The following FMN1 variants were observed in gnomAD, a reference collection of about 807,000 sequenced individuals.
FMN1 encodes the protein formin-1.
Under a neutral mutation model 132.4 loss-of-function variants are expected in FMN1, and 110 were observed. The observed-to-expected ratio is 0.83, with a 90% CI of 0.71 to 0.97. The LOEUF is 0.97. Ranked by LOEUF, FMN1 falls within the 50% of genes least tolerant of loss-of-function variation. The pLI is 0.00. For missense variants in FMN1, 1,792 were observed against 1,705.3 expected (o/e 1.05, Z -0.90); for synonymous variants, 722 against 651.7 (o/e 1.11, Z -1.64).
At chr15:33,101,691 G>A (rs1025029108) in intron 4 of FMN1, among the ~76,000 whole-genome samples, 1 of 152,092 alleles carries the variant, frequency 6.6e-6, no homozygotes, top group Non-Finnish European at 1.5e-5. Context: ...CTAACAACAA[G>A]AGACTTTATG....
intron 16 of FMN1, among the ~76,000 whole-genome samples, chr15:32,859,970 C>A (rs567588574): frequency 6.6e-6 from 1 of 151,686 alleles, no homozygotes; most frequent in Non-Finnish European, 1.5e-5. Context: ...CCCAGGAGTT[C>A]GAGGCTGCAG....
chr15:33,139,286 C>G (rs186397367), intron 4 of FMN1, among the ~76,000 whole-genome samples: 3 of 152,214 alleles, frequency 2.0e-5, no homozygotes, highest in African/African-American at 7.2e-5. Context: ...TTCAAGGGTT[C>G]CAAAATAAAT....
At chr15:33,031,431 A>C (rs345873) in intron 6 of FMN1, among the ~76,000 whole-genome samples, 1 of 151,924 alleles carries the variant, frequency 6.6e-6, no homozygotes, top group African/African-American at 2.4e-5. Flanking sequence ...AGCTGCCCCA[A>C]TTAGTGGTTT....
At position 33,153,526 on chromosome 15, in the gene FMN1, G is replaced by T. The variant is rs1566955386; in HGVS notation, c.1389C>A (p.Pro463=). ...GAAACAAGGACTTGTGGCCACCAAG[G>T]GGCAACCCGGCTCTCCTCTTGTTTC... ...ETRNKRRAGL[P]LGGHKSLFLD... Residue 463 remains proline, a synonymous_variant, in exon 4 of 21, where the codon CCC becomes CCA. Transcript: ENST00000616417. 1.3e-6 allele frequency: 2 copies of T among 1,536,352 alleles called. No individual in the cohort carries two copies. Among genetic ancestry groups the T allele is most frequent in the South Asian group, 2.4e-5 (2 of 84,066 alleles).
chr15:33,062,317 T>A (rs1206836252), intron 6 of FMN1, among the ~76,000 whole-genome samples: 1 of 152,142 alleles, frequency 6.6e-6, no homozygotes, highest in African/African-American at 2.4e-5. Flanking sequence ...GTAAAACTCA[T>A]TTAAAGAGTT....
intron 3 of FMN1, among the ~76,000 whole-genome samples, chr15:33,167,115 G>T (rs527833280): frequency 2.1e-4 from 32 of 152,316 alleles, no homozygotes; most frequent in African/African-American, 7.2e-4. Context: ...GATGACATTA[G>T]CCAATGATAT....
In FMN1 at chr15:32,848,999, T is replaced by TTTC. The variant is rs1304625395; in HGVS notation, c.3928+8015_3928+8016insGAA. Among the ~76,000 whole-genome samples, 1,253 of 144,950 alleles carry TTTC rather than the reference T, an allele frequency of 8.6e-3. 25 individuals are homozygous for TTTC. Among genetic ancestry groups the TTTC allele is most frequent in the African/African-American group, 0.032 (1,197 of 37,784 alleles). Reference sequence around the variant, plus strand: ...TTTGTTTTTTTTTTTTTTTTTTTTTTCAGAGACAGAGTCTCACTCTGTCAC... The same window carrying TTTC: ...TTTGTTTTTTTTTTTTTTTTTTTTTTTTCCAGAGACAGAGTCTCACTCTGTCAC... On this transcript the variant is annotated intron_variant, in intron 17 of 20. Coordinates refer to ENST00000616417, the MANE Select transcript of FMN1 (RefSeq NM_001277313.2).
At chr15:32,841,108 C>CT (rs143912748) in intron 17 of FMN1, among the ~76,000 whole-genome samples, 106 of 152,324 alleles carry the variant, frequency 7.0e-4, no homozygotes, top group African/African-American at 2.5e-3. Flanking sequence ...TTCTCCCCCA[C>CT]TTTTTCTGAC....
At chr15:33,038,157 G>A (rs1226582560) in intron 6 of FMN1, among the ~76,000 whole-genome samples, 1 of 152,242 alleles carries the variant, frequency 6.6e-6, no homozygotes, top group African/African-American at 2.4e-5. Flanking sequence ...CTATCCAGGA[G>A]GAAGAGGTAG....
intron 15 of FMN1, among the ~76,000 whole-genome samples, chr15:32,892,845 T>C (rs2141530432): frequency 6.6e-6 from 1 of 152,298 alleles, no homozygotes; most frequent in South Asian, 2.1e-4. Flanking sequence ...AGTTTATGTA[T>C]CACCATTAAT....
At chr15:33,130,215 C>A (rs1033698766) in intron 4 of FMN1, among the ~76,000 whole-genome samples, 1 of 152,142 alleles carries the variant, frequency 6.6e-6, no homozygotes, top group African/African-American at 2.4e-5. Context: ...CTAGCATTTT[C>A]TTTCTATTTT....
chr15:32,949,396 C>T (rs1003787172), intron 9 of FMN1, among the ~76,000 whole-genome samples: 6 of 151,928 alleles, frequency 3.9e-5, no homozygotes, highest in East Asian at 1.9e-4. Flanking sequence ...ACCAATAAGA[C>T]GGCACACCTA....
intron 6 of FMN1, among the ~76,000 whole-genome samples, chr15:33,028,480 A>G (rs2035783491): frequency 6.6e-6 from 1 of 152,006 alleles, no homozygotes; most frequent in South Asian, 2.1e-4. Context: ...ATAATGCTCA[A>G]ATGCTGGAAA....
intron 19 of FMN1, among the ~76,000 whole-genome samples, chr15:32,779,893 TTCAAAAATC>T (rs1280092840): frequency 6.6e-6 from 1 of 152,128 alleles, no homozygotes; most frequent in African/African-American, 2.4e-5. Context: ...GATCTACAAA[TTCAAAAATC>T]ACAGGAATCA....
intron 5 of FMN1, chr15:33,067,382 G>C: frequency 6.2e-7 from 1 of 1,613,980 alleles, no homozygotes; most frequent in Non-Finnish European, 8.5e-7. Flanking sequence ...ACCACTAGGG[G>C]ACTTTGGGCC....
chr15:33,015,430 T>C (rs2034984375), intron 6 of FMN1, among the ~76,000 whole-genome samples: 1 of 152,214 alleles, frequency 6.6e-6, no homozygotes, highest in Admixed American at 6.5e-5. Context: ...TAAGGGAATT[T>C]CAGGGCCTGT....
chr15:33,149,292 GT>G (rs780593045), intron 4 of FMN1, among the ~76,000 whole-genome samples: 32 of 152,038 alleles, frequency 2.1e-4, no homozygotes, highest in Non-Finnish European at 2.4e-4. Context: ...GGTGATAGTT[GT>G]TTTACAAAAC....
At chr15:33,020,811 G>A (rs2035379524) in intron 6 of FMN1, among the ~76,000 whole-genome samples, 1 of 152,088 alleles carries the variant, frequency 6.6e-6, no homozygotes, top group African/African-American at 2.4e-5. Flanking sequence ...AAGAACTTTT[G>A]GCATTTATAT....
intron 4 of FMN1, among the ~76,000 whole-genome samples, chr15:33,097,238 A>G (rs899771694): frequency 6.6e-6 from 1 of 151,592 alleles, no homozygotes; most frequent in East Asian, 1.9e-4. Context: ...TGGGAGGTTG[A>G]GGCTGCAGTG....
Sources: allele counts gnomAD v4.1 joint callset (sites outside exome capture counted in the v4.1 genomes callset), GRCh38; gene constraint gnomAD v4.1.1; transcripts MANE v1.5; gene names NCBI Gene and HGNC (gene_info 2026-07-23, HGNC 2026-07-21).